The following BTG4 variants were observed in gnomAD, a reference collection of about 807,000 sequenced individuals.
BTG4 encodes the protein protein BTG4.
Under a neutral mutation model 19.3 loss-of-function variants are expected in BTG4, and 10 were observed. The ratio of observed to expected loss-of-function variants is 0.52; its 90% CI spans 0.32 to 0.88. The LOEUF is 0.88. Ranked by LOEUF, BTG4 falls within the 40% of genes least tolerant of loss-of-function variation. BTG4 has a pLI of 0.04. For missense variants in BTG4, 238 were observed against 281.9 expected (o/e 0.84, Z 1.11); for synonymous variants, 91 against 95.7 (o/e 0.95, Z 0.29).
chr11:111,494,388 A>C (rs544688131), downstream of BTG4, among the ~76,000 whole-genome samples: 1 of 152,356 alleles, frequency 6.6e-6, no homozygotes, highest in Admixed American at 6.5e-5. Context: ...CAGAATTTAG[A>C]AGAGTCAAAC....
chr11:111,511,877 A>G (rs966513629), intron 1 of BTG4, among the ~76,000 whole-genome samples: 10 of 152,202 alleles, frequency 6.6e-5, no homozygotes, highest in Admixed American at 3.3e-4. Context: ...TATTTCTGAT[A>G]CAAATAGTTT....
chr11:111,444,543 C>T, the BTG4 span, among the ~76,000 whole-genome samples: 1 of 152,050 alleles, frequency 6.6e-6, no homozygotes, highest in African/African-American at 2.4e-5. Context: ...TTTGATAGCA[C>T]AACAGGGTGA....
At chr11:111,501,794 A>G (rs1402594685) in intron 1 of BTG4, among the ~76,000 whole-genome samples, 2 of 152,238 alleles carry the variant, frequency 1.3e-5, no homozygotes, top group East Asian at 1.9e-4. Context: ...ACATACAACT[A>G]TTATATATCA....
chr11:111,395,595 A>G, the BTG4 span, among the ~76,000 whole-genome samples: 1 of 152,272 alleles, frequency 6.6e-6, no homozygotes, highest in Non-Finnish European at 1.5e-5. Flanking sequence ...AAAGATTTTC[A>G]ACTGGTTTCT....
At chr11:111,432,694 AT>A in the BTG4 span, among the ~76,000 whole-genome samples, 1 of 152,210 alleles carries the variant, frequency 6.6e-6, no homozygotes, top group Non-Finnish European at 1.5e-5. Context: ...AGCAGGTCAA[AT>A]AAAGTTTTGT....
At chr11:111,447,927 G>C in the BTG4 span, among the ~76,000 whole-genome samples, 1 of 152,154 alleles carries the variant, frequency 6.6e-6, no homozygotes, top group African/African-American at 2.4e-5. Flanking sequence ...TTCTCATAGT[G>C]TTGCTGGCAC....
upstream of BTG4, chr11:111,513,469 A>G (rs1164847227): frequency 1.9e-6 from 1 of 534,460 alleles, no homozygotes; most frequent in Non-Finnish European, 3.8e-6. Flanking sequence ...TAGTTAGCTG[A>G]TTGCTAATAG....
chr11:111,455,321 G>A, the BTG4 span: 65 of 304,752 alleles, frequency 2.1e-4, 1 homozygote, highest in African/African-American at 9.7e-4. Flanking sequence ...GGGTGTCCCC[G>A]AGCTTGCTGT....
chr11:111,405,604 G>A, the BTG4 span, among the ~76,000 whole-genome samples: 1 of 151,978 alleles, frequency 6.6e-6, no homozygotes, highest in Non-Finnish European at 1.5e-5. Flanking sequence ...ATCTCAGTAT[G>A]AACAATAACC....
At chr11:111,453,531 G>A in the BTG4 span, 4 of 456,674 alleles carry the variant, frequency 8.8e-6, no homozygotes, top group South Asian at 6.2e-5. Flanking sequence ...TGTCAATAAG[G>A]AGAGGCCGAT....
the BTG4 span, among the ~76,000 whole-genome samples, chr11:111,440,986 A>G: frequency 1.3e-5 from 2 of 152,050 alleles, no homozygotes; most frequent in Non-Finnish European, 2.9e-5. Flanking sequence ...GCACCCGCAG[A>G]CCCATCTGGC....
the BTG4 span, among the ~76,000 whole-genome samples, chr11:111,445,067 C>T: frequency 8.5e-5 from 13 of 152,162 alleles, no homozygotes; most frequent in Non-Finnish European, 1.5e-4. Flanking sequence ...GGGAGCCCAA[C>T]GGCTACCCTC....
At chr11:111,385,588 T>C in the BTG4 span, 1 of 151,982 alleles carries the variant, frequency 6.6e-6, no homozygotes, top group Non-Finnish European at 1.5e-5. Context: ...TAATATATTA[T>C]AATATGTAAG....
chr11:111,411,204 C>T, the BTG4 span, among the ~76,000 whole-genome samples: 543 of 152,286 alleles, frequency 3.6e-3, 2 homozygotes, highest in African/African-American at 0.012. Flanking sequence ...TTCTGACCCA[C>T]ACCCTAATGA....
chr11:111,401,637 CA>C, the BTG4 span, among the ~76,000 whole-genome samples: 8 of 151,974 alleles, frequency 5.3e-5, no homozygotes, highest in African/African-American at 1.7e-4. Context: ...GTCATTCATG[CA>C]AAAAAAATTT....
chr11:111,446,545 G>A, the BTG4 span, among the ~76,000 whole-genome samples: 11 of 152,018 alleles, frequency 7.2e-5, no homozygotes, highest in African/African-American at 2.2e-4. Flanking sequence ...GGACAGGAAC[G>A]TTTTGGAATT....
At chr11:111,444,757 AG>A in the BTG4 span, among the ~76,000 whole-genome samples, 1 of 152,200 alleles carries the variant, frequency 6.6e-6, no homozygotes, top group South Asian at 2.1e-4. Flanking sequence ...GAATCAAATG[AG>A]ATTTTTTTCA....
chr11:111,491,802 A>C (rs190540473), downstream of BTG4, among the ~76,000 whole-genome samples: 9 of 152,180 alleles, frequency 5.9e-5, no homozygotes, highest in Admixed American at 3.9e-4. Context: ...CTCATCATAG[A>C]AAATTTTCAA....
the BTG4 span, among the ~76,000 whole-genome samples, chr11:111,391,064 T>A: frequency 6.6e-6 from 1 of 152,038 alleles, no homozygotes; most frequent in Non-Finnish European, 1.5e-5. Flanking sequence ...AGTAATAGAG[T>A]ATGTGCTCGA....
Sources: allele counts gnomAD v4.1 joint callset (sites outside exome capture counted in the v4.1 genomes callset), GRCh38; gene constraint gnomAD v4.1.1; transcripts MANE v1.5; gene names NCBI Gene and HGNC (gene_info 2026-07-23, HGNC 2026-07-21).